RABGEF1: variants seen among roughly 807,000 people sequenced by gnomAD.
RABGEF1 encodes the protein RAB guanine nucleotide exchange factor 1, also known as rab5 GDP/GTP exchange factor.
Under a neutral mutation model 57.3 loss-of-function variants are expected in RABGEF1, and 26 were observed. That is an observed-to-expected ratio of 0.45 (90% CI 0.33 to 0.63). The LOEUF is 0.63. Among genes scored for constraint, RABGEF1 ranks in the 20% least tolerant of loss-of-function variants. The pLI is 0.02. For synonymous variants in RABGEF1, 185 were observed against 210.7 expected, an observed-to-expected ratio of 0.88 and a Z score of 1.06; for missense variants, 464 against 607.6, an observed-to-expected ratio of 0.76 and a Z score of 2.48.
chr7:66,678,349 A>G (rs1418683059), upstream of RABGEF1, among the ~76,000 whole-genome samples: 1 of 151,952 alleles, frequency 6.6e-6, no homozygotes, highest in African/African-American at 2.4e-5. Flanking sequence ...GCGGATCACG[A>G]GGTCAGGAGA....
chr7:66,773,903 T>C (rs1169991948), intron 2 of RABGEF1: 1 of 415,446 alleles, frequency 2.4e-6, no homozygotes, highest in Non-Finnish European at 4.8e-6. Context: ...TGAGCTCAAG[T>C]GATCCGGCCG....
At chr7:66,798,563 T>A (rs3800817) in intron 6 of RABGEF1, among the ~76,000 whole-genome samples, 42,117 of 151,972 alleles carry the variant, frequency 0.28, 6,215 homozygotes, top group East Asian at 0.43. Context: ...GCAGGCCTGC[T>A]GCAGGGTAGT....
chr7:66,795,520 A>G lies in RABGEF1; in HGVS notation c.523A>G (p.Ile175Val). ...TGTCTCTCTGTTTCAGGATCTAAGC[A>G]TTGAAGAACAGTCAGAGTGTGCTCA... The part of the protein sequence containing the change: ...EGMHYKRDLS[I>V]EEQSECAQDF... The change falls in exon 5 of 9, where the codon ATT (isoleucine) becomes GTT (valine). Residue 175 changes from isoleucine (I) to valine (V), a missense_variant. Ile to Val is a conservative substitution (Grantham distance 29). This residue lies in a region of RABGEF1 where 284 missense variants were observed against 389.9 expected (regional missense o/e 0.73). Coordinates refer to ENST00000284957, the MANE Select transcript of RABGEF1 (RefSeq NM_014504.3). The G allele has an allele frequency of 6.2e-7, 1 of 1,609,692 alleles. No individual in the cohort carries two copies. Among genetic ancestry groups the G allele is most frequent in the South Asian group, 1.1e-5 (1 of 90,980 alleles).
the RABGEF1 span, among the ~76,000 whole-genome samples, chr7:66,668,316 C>A: frequency 2.6e-5 from 4 of 152,298 alleles, no homozygotes; most frequent in East Asian, 7.7e-4. Context: ...AGGCTGATCT[C>A]GAACTCCTGG....
chr7:66,793,837 A>G (rs1813337208), intron 4 of RABGEF1, among the ~76,000 whole-genome samples: 1 of 152,202 alleles, frequency 6.6e-6, no homozygotes, highest in Admixed American at 6.5e-5. Flanking sequence ...AGATGGTCAG[A>G]CTGCTGTGGG....
intron 1 of RABGEF1, among the ~76,000 whole-genome samples, chr7:66,743,172 A>T (rs2129050541): frequency 6.6e-6 from 1 of 152,122 alleles, no homozygotes. Flanking sequence ...GCTTGGTGTG[A>T]TGGCGCCTGC....
the RABGEF1 span, among the ~76,000 whole-genome samples, chr7:66,663,437 G>T: frequency 6.6e-6 from 1 of 152,252 alleles, no homozygotes; most frequent in African/African-American, 2.4e-5. Context: ...AATTGGCTGG[G>T]CGTGGTGGTG....
At chr7:66,802,933 G>A (rs1787622565) in intron 7 of RABGEF1, among the ~76,000 whole-genome samples, 1 of 151,902 alleles carries the variant, frequency 6.6e-6, no homozygotes, top group Non-Finnish European at 1.5e-5. Context: ...CAAGAAAGTA[G>A]TTTAAATAAA....
At chr7:66,656,820 C>CAAA in the RABGEF1 span, among the ~76,000 whole-genome samples, 9 of 73,830 alleles carry the variant, frequency 1.2e-4, no homozygotes, top group South Asian at 4.7e-4. Context: ...AACTGCATCT[C>CAAA]AAAAAAAAAA....
intron 7 of RABGEF1, among the ~76,000 whole-genome samples, chr7:66,801,097 T>C (rs902415614): frequency 6.6e-6 from 1 of 152,200 alleles, no homozygotes; most frequent in African/African-American, 2.4e-5. Context: ...GAACACTCTT[T>C]AGGACTTCTG....
intron 1 of RABGEF1, among the ~76,000 whole-genome samples, chr7:66,742,639 C>T (rs371442981): frequency 1.3e-5 from 2 of 152,166 alleles, no homozygotes; most frequent in South Asian, 4.1e-4. Context: ...GAGGGTCTCA[C>T]TTTGTCACCC....
the RABGEF1 span, among the ~76,000 whole-genome samples, chr7:66,662,852 C>G: frequency 9.9e-5 from 15 of 151,670 alleles, no homozygotes; most frequent in Non-Finnish European, 1.8e-4. Flanking sequence ...TGTGCATCTG[C>G]AGGTGTGTAT....
At chr7:66,787,848 T>C (rs1477547802) in intron 4 of RABGEF1, among the ~76,000 whole-genome samples, 2 of 152,222 alleles carry the variant, frequency 1.3e-5, no homozygotes, top group Non-Finnish European at 2.9e-5. Flanking sequence ...TAGAAAACCA[T>C]ATTACCTAAC....
chr7:66,799,515 AG>A, intron 7 of RABGEF1, 101 bp downstream of exon 7: 1 of 970,486 alleles, frequency 1.0e-6, no homozygotes, highest in Non-Finnish European at 1.6e-6. Flanking sequence ...AGATTGTCGA[AG>A]GTACATTGGA....
rs192726011 is a variant in RABGEF1, at chr7:66,749,659, G to A, written c.-18+8867G>A. 1.6e-4 allele frequency among the ~76,000 whole-genome samples: 25 copies of A among 152,208 alleles called. No individual in the cohort carries two copies. The East Asian group carries it at 1.7e-3, about 11-fold the overall frequency. On this transcript the variant is annotated intron_variant, in intron 1 of 8. Coordinates refer to ENST00000284957, the MANE Select transcript of RABGEF1 (RefSeq NM_014504.3). The stretch of plus-strand genomic sequence containing the variant: ...ACTACACTCTAGCCTGGGCAACAAA[G>A]CAAGACTCCATCTCTAAAAACAAAC...
upstream of RABGEF1, among the ~76,000 whole-genome samples, chr7:66,677,691 G>A (rs533094280): frequency 5.2e-4 from 79 of 151,126 alleles, 1 homozygote; most frequent in African/African-American, 1.8e-3. Context: ...GAACCCGGGA[G>A]GGGGAGAATG....
intron 1 of RABGEF1, among the ~76,000 whole-genome samples, chr7:66,687,113 CTTTTTT>C (rs71526570): frequency 1.9e-5 from 2 of 103,640 alleles, no homozygotes; most frequent in East Asian, 6.3e-4. Flanking sequence ...CCACGCCCGG[CTTTTTT>C]TTTTTTTTTT....
At chr7:66,780,967 T>A (rs973410456) in intron 3 of RABGEF1, among the ~76,000 whole-genome samples, 5 of 152,122 alleles carry the variant, frequency 3.3e-5, no homozygotes, top group Non-Finnish European at 5.9e-5. Flanking sequence ...TGAAGTGGGG[T>A]CTTGTTTTTT....
At chr7:66,782,750 C>T (rs2129140272) in intron 3 of RABGEF1, among the ~76,000 whole-genome samples, 1 of 151,942 alleles carries the variant, frequency 6.6e-6, no homozygotes, top group South Asian at 2.1e-4. Context: ...CATGCCACTG[C>T]ACTCCAGCCT....
Sources: allele counts gnomAD v4.1 joint callset (sites outside exome capture counted in the v4.1 genomes callset), GRCh38; gene constraint gnomAD v4.1.1; regional missense constraint gnomAD v4.1.1; transcripts MANE v1.5; gene names NCBI Gene and HGNC (gene_info 2026-07-23, HGNC 2026-07-21).